LSAMP: variants seen among roughly 807,000 people sequenced by gnomAD.
The protein encoded by LSAMP is limbic system associated membrane protein.
LSAMP carries 7 observed loss-of-function variants against 38.6 expected under a neutral mutation model. The observed-to-expected ratio is 0.18, with a 90% confidence interval of 0.10 to 0.34. The LOEUF (loss-of-function observed/expected upper bound fraction) is 0.34, where lower values mean the gene tolerates loss of function less well. Ranked by LOEUF, LSAMP falls within the 10% of genes least tolerant of loss-of-function variation. LSAMP has a pLI of 1.00. For missense variants in LSAMP, 313 were observed against 420.0 expected, an observed-to-expected ratio of 0.75 and a Z score of 2.23; for synonymous variants, 154 against 166.8, an observed-to-expected ratio of 0.92 and a Z score of 0.59.
chr3:116,077,593 G>A (rs960439872), intron 2 of LSAMP, among the ~76,000 whole-genome samples: 7 of 151,592 alleles, frequency 4.6e-5, no homozygotes, highest in Admixed American at 4.6e-4. Flanking sequence ...AAGTATTATT[G>A]CCTTCAGTAT....
intron 3 of LSAMP, among the ~76,000 whole-genome samples, chr3:115,880,840 C>T (rs892243470): frequency 2.8e-4 from 43 of 151,596 alleles, no homozygotes; most frequent in Middle Eastern, 3.4e-3. Flanking sequence ...GAGACCAGCC[C>T]GGCCTACCAA....
At chr3:116,425,057 A>G (rs1454086048) in intron 1 of LSAMP, among the ~76,000 whole-genome samples, 1 of 152,090 alleles carries the variant, frequency 6.6e-6, no homozygotes, top group African/African-American at 2.4e-5. Context: ...TCTACCGTGC[A>G]GGGGCTGGGC....
At chr3:115,960,140 A>G (rs1027699472) in intron 3 of LSAMP, among the ~76,000 whole-genome samples, 1 of 152,174 alleles carries the variant, frequency 6.6e-6, no homozygotes, top group African/African-American at 2.4e-5. Context: ...ATGTGGCTGC[A>G]TTTGGAAGTG....
intron 1 of LSAMP, chr3:116,367,885 C>T (rs1205714730): frequency 1.3e-5 from 2 of 151,972 alleles, no homozygotes; most frequent in Non-Finnish European, 2.9e-5. Context: ...TGCTTACTAA[C>T]AGGAGCAATG....
intron 1 of LSAMP, among the ~76,000 whole-genome samples, chr3:116,426,462 A>G (rs1223291571): frequency 2.6e-4 from 1 of 3,792 alleles, no homozygotes; most frequent in East Asian, 4.5e-3. Context: ...ACTCCGTCTC[A>G]AAAAAAAAAA....
chr3:116,264,406 T>C (rs2046868530), intron 1 of LSAMP, among the ~76,000 whole-genome samples: 1 of 152,166 alleles, frequency 6.6e-6, no homozygotes, highest in South Asian at 2.1e-4. Context: ...AGAGGCGGCT[T>C]CCAAGACATT....
chr3:116,041,382 A>G (rs1284938984), intron 2 of LSAMP, among the ~76,000 whole-genome samples: 1 of 152,170 alleles, frequency 6.6e-6, no homozygotes, highest in Non-Finnish European at 1.5e-5. Context: ...AGTTTAGCCA[A>G]AGATTGATGA....
At chr3:116,403,487 T>C (rs946007675) in intron 1 of LSAMP, among the ~76,000 whole-genome samples, 1 of 151,976 alleles carries the variant, frequency 6.6e-6, no homozygotes, top group African/African-American at 2.4e-5. Context: ...AAGGACATTC[T>C]TAAAAAGAAA....
intron 1 of LSAMP, among the ~76,000 whole-genome samples, chr3:116,150,009 G>C (rs1709576313): frequency 6.6e-6 from 1 of 152,012 alleles, no homozygotes; most frequent in South Asian, 2.1e-4. Flanking sequence ...TAATCTGACT[G>C]CAAATAACAA....
Position 116,400,375 on chromosome 3 carries a change from T to A in LSAMP, c.155+44502A>T, listed in dbSNP as rs146656893. Among the ~76,000 whole-genome samples the A allele has an allele frequency of 6.1e-3, 931 of 152,074 alleles. 10 individuals are homozygous for A. The highest frequency in any genetic ancestry group is 0.021 in the African/African-American group (883 of 41,478). ...TTCCTCTTTCTTTCTTCCTTCCTTT[T>A]TTTTCTCTCTTTGTCTTTCTCTCTC... is the stretch of plus-strand genomic sequence containing the variant. On this transcript the variant is annotated intron_variant, in intron 1 of 6. Transcript: ENST00000490035.
chr3:116,117,462 C>T (rs1026576812), intron 1 of LSAMP, among the ~76,000 whole-genome samples: 12 of 152,190 alleles, frequency 7.9e-5, no homozygotes, highest in African/African-American at 2.9e-4. Context: ...GGTACATTTC[C>T]CATAACTGAT....
chr3:116,386,511 T>C (rs1295893099), intron 1 of LSAMP, among the ~76,000 whole-genome samples: 1 of 152,150 alleles, frequency 6.6e-6, no homozygotes, highest in Non-Finnish European at 1.5e-5. Flanking sequence ...TTTGCTCTGT[T>C]GCCCAGATTG....
At chr3:115,820,985 C>A (rs1014990635) in intron 6 of LSAMP, among the ~76,000 whole-genome samples, 2 of 152,164 alleles carry the variant, frequency 1.3e-5, no homozygotes, top group African/African-American at 4.8e-5. Context: ...TTTTAAAACA[C>A]CTTCCTGACT....
chr3:115,856,924 A>G (rs939348147), intron 3 of LSAMP, among the ~76,000 whole-genome samples: 1 of 152,240 alleles, frequency 6.6e-6, no homozygotes, highest in African/African-American at 2.4e-5. Flanking sequence ...CACTTCATGT[A>G]GTTTAAGAGA....
At chr3:116,391,569 T>C (rs905153962) in intron 1 of LSAMP, among the ~76,000 whole-genome samples, 1 of 147,586 alleles carries the variant, frequency 6.8e-6, no homozygotes, top group African/African-American at 2.5e-5. Context: ...GCAGTATGAC[T>C]GGGCAGGAAG....
At chr3:116,009,927 G>T (rs1156487519) in intron 3 of LSAMP, among the ~76,000 whole-genome samples, 2 of 151,982 alleles carry the variant, frequency 1.3e-5, no homozygotes, top group Non-Finnish European at 2.9e-5. Flanking sequence ...TTTTGTTGTT[G>T]TTGTTTTGAG....
chr3:116,102,186 C>A (rs1708362457), intron 1 of LSAMP, among the ~76,000 whole-genome samples: 1 of 152,180 alleles, frequency 6.6e-6, no homozygotes, highest in Admixed American at 6.5e-5. Flanking sequence ...TGGAAGGCAA[C>A]TAAAATTTAG....
chr3:115,913,500 G>A (rs1937179274), intron 3 of LSAMP, among the ~76,000 whole-genome samples: 1 of 152,214 alleles, frequency 6.6e-6, no homozygotes, highest in African/African-American at 2.4e-5. Context: ...GCAGGAGCCG[G>A]TGTACTATGG....
intron 1 of LSAMP, among the ~76,000 whole-genome samples, chr3:116,310,681 A>C (rs952664125): frequency 6.6e-6 from 1 of 152,128 alleles, no homozygotes; most frequent in African/African-American, 2.4e-5. Flanking sequence ...CGAAAGAAAA[A>C]TTTCTCAAGG....
Sources: allele counts gnomAD v4.1 joint callset (sites outside exome capture counted in the v4.1 genomes callset), GRCh38; gene constraint gnomAD v4.1.1; transcripts MANE v1.5; gene names NCBI Gene and HGNC (gene_info 2026-07-23, HGNC 2026-07-21).